The following SLC7A8 variants were observed in gnomAD, a reference collection of about 807,000 sequenced individuals.
SLC7A8 encodes the protein large neutral amino acids transporter small subunit 2.
In SLC7A8, 30 loss-of-function variants were observed where a neutral mutation model predicts 51.2. That is an observed-to-expected ratio of 0.59 (90% confidence interval 0.44 to 0.80). The LOEUF (loss-of-function observed/expected upper bound fraction) is 0.80. SLC7A8 is among the 30% of genes least tolerant of loss of function. The pLI is 0.00. For missense variants in SLC7A8, 612 were observed against 674.4 expected (o/e 0.91, Z 1.03); for synonymous variants, 257 against 275.8 (o/e 0.93, Z 0.67).
intron 3 of SLC7A8, among the ~76,000 whole-genome samples, chr14:23,161,205 C>A (rs1413963535): frequency 2.6e-5 from 4 of 152,008 alleles, no homozygotes; most frequent in Admixed American, 6.6e-5. Flanking sequence ...TGGCTCCTCC[C>A]AACTTCATTT....
intron 3 of SLC7A8, among the ~76,000 whole-genome samples, chr14:23,161,963 T>C (rs1256749711): frequency 2.7e-5 from 4 of 146,546 alleles, no homozygotes; most frequent in Non-Finnish European, 4.5e-5. Flanking sequence ...CAAGCCTTCC[T>C]GACAGCTTGG....
chr14:23,177,082 C>T lies in SLC7A8; in HGVS notation c.151+5682G>A, dbSNP rs117999633. Reference sequence around the variant, plus strand: ...TTCTGTAGCAAATATACCAAGATCCCCCAAAAACATAAATTGTGCTGAAAA... The same window carrying T: ...TTCTGTAGCAAATATACCAAGATCCTCCAAAAACATAAATTGTGCTGAAAA... On this transcript the variant is annotated intron_variant, in intron 1 of 10. Coordinates refer to ENST00000316902, the MANE Select transcript of SLC7A8 (RefSeq NM_012244.4). 5.0e-3 allele frequency among the ~76,000 whole-genome samples: 763 copies of T among 152,198 alleles called. 7 individuals are homozygous for T. The highest frequency in any genetic ancestry group is 0.014 in the Middle Eastern group (4 of 294).
chr14:23,163,350 A>T (rs1041619023), intron 3 of SLC7A8, among the ~76,000 whole-genome samples: 15 of 152,122 alleles, frequency 9.9e-5, no homozygotes, highest in Non-Finnish European at 1.3e-4. Flanking sequence ...TGGACTGGAG[A>T]TGCAGGCGCA....
At position 23,128,032 on chromosome 14, in the gene SLC7A8, G is replaced by A. The variant is rs747926889; in HGVS notation, c.1428C>T (p.Phe476=). The A allele has an allele frequency of 1.2e-6, 2 of 1,613,954 alleles. No homozygotes were observed. The highest frequency in any genetic ancestry group is 2.2e-5 in the South Asian group (2 of 91,030). Residue 476 remains phenylalanine, a synonymous_variant, in exon 10 of 11, where the codon TTC becomes TTT. Coordinates refer to ENST00000316902, the MANE Select transcript of SLC7A8 (RefSeq NM_012244.4). This position sits in a 1 kb window ranked among gnomAD's most constrained non-coding sequence, Gnocchi z 4.3. ...GVYWQHKPKC[F]SDFIELLTLV... ...CCAACAACTCACCAATGAAGTCACT[G>A]AAACACTTGGGCTTGTGTTGCCAGT...
intron 1 of SLC7A8, among the ~76,000 whole-genome samples, chr14:23,178,643 G>T (rs769373009): frequency 6.6e-6 from 1 of 151,274 alleles, no homozygotes; most frequent in South Asian, 2.1e-4. Flanking sequence ...TGTTGGGCAC[G>T]GTGGCCCACA....
Position 23,183,007 on chromosome 14 carries a change from T to C in SLC7A8, c.-93A>G. 6.5e-7 allele frequency: 1 copy of C among 1,547,444 alleles called. No individual in the cohort carries two copies. Among genetic ancestry groups the C allele is most frequent in the South Asian group, 1.1e-5 (1 of 88,302 alleles). On this transcript the variant is annotated 5_prime_UTR_variant, in exon 1 of 11. Coordinates refer to ENST00000316902, the MANE Select transcript of SLC7A8 (RefSeq NM_012244.4). ...TGGGAGAGAGCTTTGAATTAGAACG[T>C]CCTTTTCCGAAATAGGAACCACTGC... is the stretch of plus-strand genomic sequence containing the variant.
In SLC7A8 at chr14:23,127,062, G is replaced by T; in HGVS notation, c.*115C>A. ...CCACCCACACCAAAGTCCTACCACT[G>T]CCTGACAAAAGCAGAGAGAGGGGTG... On this transcript the variant is annotated 3_prime_UTR_variant, in exon 11 of 11. Transcript: ENST00000316902. The T allele has an allele frequency of 7.5e-7, 1 of 1,326,940 alleles. No homozygotes were observed. The highest frequency in any genetic ancestry group is 1.1e-6 in the Non-Finnish European group (1 of 948,168). The allele number at this position is 1,326,940 out of a possible 1,614,324, so 82.2% of individuals were successfully genotyped here.
intron 4 of SLC7A8, among the ~76,000 whole-genome samples, chr14:23,142,060 A>G (rs548326534): frequency 6.6e-6 from 1 of 152,392 alleles, no homozygotes; most frequent in Non-Finnish European, 1.5e-5. Flanking sequence ...AATGCCTGAA[A>G]GCAATATATA....
chr14:23,161,290 C>T (rs1033281815), intron 3 of SLC7A8, among the ~76,000 whole-genome samples: 2 of 151,994 alleles, frequency 1.3e-5, no homozygotes, highest in Admixed American at 6.6e-5. Context: ...CCCAGCAAAC[C>T]CTCGCCACGG....
At chr14:23,135,701 T>TA (rs59251315) in intron 7 of SLC7A8, among the ~76,000 whole-genome samples, 65,441 of 148,642 alleles carry the variant, frequency 0.44, 14,907 homozygotes, top group East Asian at 0.59. Context: ...GACTCTGCCT[T>TA]AAAAAAAAAA....
chr14:23,141,020 G>A (rs1366197584), intron 4 of SLC7A8, among the ~76,000 whole-genome samples: 3 of 152,146 alleles, frequency 2.0e-5, no homozygotes, highest in Non-Finnish European at 2.9e-5. Context: ...CAGTGGCTCA[G>A]GCCTGTAATC....
Position 23,128,394 on chromosome 14 carries a change from C to T in SLC7A8, c.1264-198G>A, listed in dbSNP as rs572632681. The stretch of plus-strand genomic sequence containing the variant: ...ATAAACAAATGTTGATGAACATGGT[C>T]GGTCAGACAGGAAGAGGATGGGGAG... On this transcript the variant is annotated intron_variant, in intron 9 of 10. Transcript: ENST00000316902. The surrounding 1 kb of genome is among the most constrained non-coding windows in gnomAD (Gnocchi z 4.3). 1,276 of 1,520,276 alleles carry T rather than the reference C, an allele frequency of 8.4e-4. 1 individual carries two copies. The highest frequency in any genetic ancestry group is 1.0e-3 in the Non-Finnish European group (1,158 of 1,135,708). 94.2% of individuals were successfully genotyped at this position (1,520,276 alleles called of 1,614,324 possible).
At chr14:23,157,320 CAT>C (rs2048899079) in intron 3 of SLC7A8, among the ~76,000 whole-genome samples, 1 of 152,226 alleles carries the variant, frequency 6.6e-6, no homozygotes, top group Admixed American at 6.5e-5. Context: ...CCAAGATGCA[CAT>C]GATAGTCATC....
intron 3 of SLC7A8, among the ~76,000 whole-genome samples, chr14:23,145,747 G>A (rs1027263450): frequency 1.3e-5 from 2 of 151,896 alleles, no homozygotes; most frequent in Non-Finnish European, 2.9e-5. Flanking sequence ...TGCTCCCCAG[G>A]AACCCCATCA....
At chr14:23,143,346 G>A (rs1566362197) in intron 3 of SLC7A8, 142 bp from the exon 4 acceptor site, 1 of 1,175,342 alleles carries the variant, frequency 8.5e-7, no homozygotes, top group Non-Finnish European at 1.2e-6. Context: ...TCAACCCCAG[G>A]GACCAGAGAC....
In SLC7A8 at chr14:23,180,649, A is replaced by G. The variant is rs79561673; in HGVS notation, c.151+2115T>C. 3.2e-3 allele frequency among the ~76,000 whole-genome samples: 491 copies of G among 152,296 alleles called. 7 individuals are homozygous for G. Among genetic ancestry groups the G allele is most frequent in the African/African-American group, 0.011 (471 of 41,572 alleles). On this transcript the variant is annotated intron_variant, in intron 1 of 10. Transcript: ENST00000316902. ...GAGATTATTCTCCCATTGAAGTACC[A>G]TCCATAAGGTTGTGGACAAATCAGT...
Position 23,137,965 on chromosome 14 carries a change from C to T in SLC7A8, c.972G>A (p.Leu324=), listed in dbSNP as rs1275280858. 6.2e-7 allele frequency: 1 copy of T among 1,613,840 alleles called. No homozygotes were observed. The highest frequency in any genetic ancestry group is 1.1e-5 in the South Asian group (1 of 91,066). ...MAWIMPISVA[L]STFGGVNGSL... ...ACCCATTAACTCCTCCAAATGTGGA[C>T]AGGGCAACAGAAATGGGCATGATCC... Residue 324 remains leucine (L), a synonymous_variant, in exon 7 of 11, where the codon CTG becomes CTA. Coordinates refer to ENST00000316902, the MANE Select transcript of SLC7A8 (RefSeq NM_012244.4).
chr14:23,138,295 C>A (rs1711807132), intron 6 of SLC7A8: 1 of 405,560 alleles, frequency 2.5e-6, no homozygotes, highest in Non-Finnish European at 4.5e-6. Context: ...GGGTGAGGAA[C>A]TGAGTCACAT....
At chr14:23,177,611 G>T (rs1876980562) in intron 1 of SLC7A8, among the ~76,000 whole-genome samples, 1 of 152,170 alleles carries the variant, frequency 6.6e-6, no homozygotes, top group African/African-American at 2.4e-5. Context: ...CTAGATACGT[G>T]ACTGGTATAA....
Sources: allele counts gnomAD v4.1 joint callset (sites outside exome capture counted in the v4.1 genomes callset), GRCh38; gene constraint gnomAD v4.1.1; non-coding constraint Gnocchi (gnomAD v3.1); transcripts MANE v1.5; gene names NCBI Gene and HGNC (gene_info 2026-07-23, HGNC 2026-07-21).